The following WNT7A variants were observed in gnomAD, a reference collection of about 807,000 sequenced individuals.
WNT7A encodes Wnt family member 7A.
Under a neutral mutation model 28.2 loss-of-function variants are expected in WNT7A, and 16 were observed. That is an observed-to-expected ratio of 0.57 (90% confidence interval 0.38 to 0.86). WNT7A has a LOEUF of 0.86. Among genes scored for constraint, WNT7A ranks in the 40% least tolerant of loss-of-function variants. The pLI is 0.00. For synonymous variants in WNT7A, 190 were observed against 195.9 expected (o/e 0.97, Z 0.25); for missense variants, 411 against 489.7 (o/e 0.84, Z 1.52).
intron 2 of WNT7A, among the ~76,000 whole-genome samples, chr3:13,872,717 T>G (rs1372545500): frequency 1.3e-5 from 2 of 152,192 alleles, no homozygotes; most frequent in Non-Finnish European, 2.9e-5. Flanking sequence ...CATGGCCAGC[T>G]GGGGGCTGCT....
intron 3 of WNT7A, among the ~76,000 whole-genome samples, chr3:13,828,600 G>A (rs931835997): frequency 3.9e-5 from 6 of 152,274 alleles, no homozygotes; most frequent in South Asian, 2.1e-4. Flanking sequence ...ATGGCATGGC[G>A]CAGGTCTGGG....
At chr3:13,867,028 T>C (rs903064460) in intron 2 of WNT7A, among the ~76,000 whole-genome samples, 7 of 152,080 alleles carry the variant, frequency 4.6e-5, no homozygotes, top group Non-Finnish European at 8.8e-5. Context: ...TAAGAAAATC[T>C]AGAGCATGGG....
At chr3:13,824,906 G>A (rs544574639) in intron 3 of WNT7A, among the ~76,000 whole-genome samples, 2 of 152,334 alleles carry the variant, frequency 1.3e-5, no homozygotes, top group East Asian at 3.9e-4. Flanking sequence ...GACTGGTTAT[G>A]TAAATTACGG....
At position 13,831,950 on chromosome 3, in the gene WNT7A, C is replaced by T. The variant is rs185503063; in HGVS notation, c.571-12527G>A. Among the ~76,000 whole-genome samples, 254 of 152,236 alleles carry T rather than the reference C, an allele frequency of 1.7e-3. 3 individuals carry two copies. Among genetic ancestry groups the T allele is most frequent in the Non-Finnish European group, 2.7e-3 (181 of 68,004 alleles). On this transcript the variant is annotated intron_variant, in intron 3 of 3. Transcript: ENST00000285018. ...CCCTTTCCAAGGCACTGAATAAAGA[C>T]AACGTGGAGGTCAGCGGGCAGGCAG...
chr3:13,843,689 T>TG (rs1217039669), intron 3 of WNT7A, among the ~76,000 whole-genome samples: 2 of 137,808 alleles, frequency 1.5e-5, no homozygotes, highest in Non-Finnish European at 3.3e-5. Flanking sequence ...GAAAAGATGT[T>TG]GAAAAAAAAA....
Position 13,854,750 on chromosome 3 carries a change from C to T in WNT7A, c.352G>A (p.Ala118Thr), listed in dbSNP as rs1394761878. 14 of 1,613,778 alleles carry T rather than the reference C, an allele frequency of 8.7e-6. No individual in the cohort carries two copies. Among genetic ancestry groups the T allele is most frequent in the Middle Eastern group, 1.7e-4 (1 of 6,048 alleles). Residue 118 changes from alanine (A) to threonine (T), a missense_variant, in exon 3 of 4, where the codon GCC (alanine) becomes ACC (threonine). Physicochemically the swap from Ala to Thr is moderately conservative, Grantham distance 58. Transcript: ENST00000285018. ...CCCTGGGTACAGGCAGCTGTGATGG[C>T]GTGGGCCACGCCGGCGGCAATGATG... ...YAIIAAGVAH[A>T]ITAACTQGNL...
chr3:13,818,485 G>C lies in WNT7A; in HGVS notation c.*459C>G, dbSNP rs1479999406. On this transcript the variant is annotated 3_prime_UTR_variant, in exon 4 of 4. Coordinates refer to ENST00000285018, the MANE Select transcript of WNT7A (RefSeq NM_004625.4). ...AGTAGAAATATCTGCATAAAGAATA[G>C]TTATGTACACTTCTACACGGCTCCT... 6.6e-6 allele frequency: 1 copy of C among 152,098 alleles called. No homozygotes were observed. Among genetic ancestry groups the C allele is most frequent in the Non-Finnish European group, 1.5e-5 (1 of 68,158 alleles). The allele number at this position is 152,098 out of a possible 1,614,324, so 9.4% of individuals were successfully genotyped here.
chr3:13,875,871 A>T (rs1314498031), intron 1 of WNT7A: 1 of 153,788 alleles, frequency 6.5e-6, no homozygotes, highest in Non-Finnish European at 1.4e-5. Flanking sequence ...CTATTCACTG[A>T]TATATATCGG....
At position 13,818,351 on chromosome 3, in the gene WNT7A, C is replaced by CGAAAAAAAAAAAAAAAAAAAAAAAAAA. The variant is rs575789769; in HGVS notation, c.*592_*593insTTTTTTTTTTTTTTTTTTTTTTTTTTC. 5.0e-5 allele frequency: 4 copies of CGAAAAAAAAAAAAAAAAAAAAAAAAAA among 79,952 alleles called. No homozygotes were observed. Among genetic ancestry groups the CGAAAAAAAAAAAAAAAAAAAAAAAAAA allele is most frequent in the East Asian group, 9.9e-4 (2 of 2,020 alleles). 5.0% of individuals were successfully genotyped at this position (79,952 alleles called of 1,614,324 possible). On this transcript the variant is annotated 3_prime_UTR_variant, in exon 4 of 4. Transcript: ENST00000285018. Reference sequence around the variant, plus strand: ...TTTCTGGATAAGTAGCAGCAAACAGCAAAAAAAAAAAAAAAAATGTGTGTG... The same window carrying CGAAAAAAAAAAAAAAAAAAAAAAAAAA: ...TTTCTGGATAAGTAGCAGCAAACAGCGAAAAAAAAAAAAAAAAAAAAAAAAAAAAAAAAAAAAAAAAAAATGTGTGTG...
rs1363764695 is a variant in WNT7A at position 13,816,883 on chromosome 3, C to T, written c.*2061G>A. On this transcript the variant is annotated 3_prime_UTR_variant, in exon 4 of 4. Transcript: ENST00000285018. The stretch of plus-strand genomic sequence containing the variant: ...TACCTACTCACACATTCATCCATCC[C>T]TCCATCCATTCACTCCATGGCCCCT... The T allele has an allele frequency of 6.6e-6, 1 of 152,430 alleles. No individual in the cohort carries two copies. The highest frequency in any genetic ancestry group is 1.5e-5 in the Non-Finnish European group (1 of 68,068). The allele number at this position is 152,430 out of a possible 1,614,324, so 9.4% of individuals were successfully genotyped here.
Position 13,874,935 on chromosome 3 carries a change from G to A in WNT7A, c.298+12C>T, listed in dbSNP as rs1429540237. On this transcript the variant is annotated intron_variant, in intron 2 of 3. Transcript: ENST00000285018. The stretch of plus-strand genomic sequence containing the variant: ...GGTAAGACTCTGCGGGGGTGTTTGG[G>A]TGAGCACATACCCACTTTGAGCTCC... The A allele has an allele frequency of 1.2e-6, 2 of 1,613,468 alleles. No homozygotes were observed. The highest frequency in any genetic ancestry group is 2.2e-5 in the South Asian group (2 of 91,004).
At chr3:13,848,570 A>C (rs554824988) in intron 3 of WNT7A, among the ~76,000 whole-genome samples, 1 of 152,208 alleles carries the variant, frequency 6.6e-6, no homozygotes, top group East Asian at 1.9e-4. Flanking sequence ...AATTTTAAAA[A>C]CAGTGATGTC....
chr3:13,879,104 T>A (rs1426244949), intron 1 of WNT7A, among the ~76,000 whole-genome samples: 1 of 152,196 alleles, frequency 6.6e-6, no homozygotes. Flanking sequence ...TGTGTGTGTT[T>A]GTTGGGGGTG....
chr3:13,845,318 A>G (rs879636870), intron 3 of WNT7A, among the ~76,000 whole-genome samples: 2 of 152,194 alleles, frequency 1.3e-5, no homozygotes, highest in Admixed American at 6.5e-5. Flanking sequence ...GTGATGTCCA[A>G]CAGACCTTCC....
At chr3:13,826,842 T>C (rs1325336732) in intron 3 of WNT7A, among the ~76,000 whole-genome samples, 1 of 152,194 alleles carries the variant, frequency 6.6e-6, no homozygotes, top group African/African-American at 2.4e-5. Flanking sequence ...GCTAGGAGGC[T>C]ACTGAAAAGC....
intron 3 of WNT7A, among the ~76,000 whole-genome samples, chr3:13,828,415 C>T (rs1264668260): frequency 6.6e-6 from 1 of 152,228 alleles, no homozygotes; most frequent in Non-Finnish European, 1.5e-5. Flanking sequence ...AACCCAAGAC[C>T]ACTGTGTTCC....
intron 3 of WNT7A, among the ~76,000 whole-genome samples, chr3:13,842,396 C>T (rs148855053): frequency 1.3e-4 from 20 of 150,656 alleles, no homozygotes; most frequent in African/African-American, 1.7e-4. Context: ...ACCGTTGTGC[C>T]ACTGCAAGGA....
At position 13,819,076 on chromosome 3, in the gene WNT7A, G is replaced by A; in HGVS notation, c.918C>T (p.Leu306=). ...KTAPQASGCD[L]MCCGRGYNTH... The stretch of plus-strand genomic sequence containing the variant: ...TGTTGTAGCCACGCCCACAGCACAT[G>A]AGGTCACAGCCGCTGGCCTGGGGAG... Residue 306 remains leucine, a synonymous_variant, in exon 4 of 4, where the codon CTC becomes CTT. Transcript: ENST00000285018. The A allele has an allele frequency of 6.2e-7, 1 of 1,614,136 alleles. No individual in the cohort carries two copies. The highest frequency in any genetic ancestry group is 8.5e-7 in the Non-Finnish European group (1 of 1,179,982).
chr3:13,818,784 A>AC lies in WNT7A; in HGVS notation c.*159_*160insG, dbSNP rs1553571052. ...ACAGAATAGTTGAGGGCTCTGAGAGATTTTTTTTCCCCCACGGATGCCTGC... is the reference window on the plus strand; with the variant it reads ...ACAGAATAGTTGAGGGCTCTGAGAGACTTTTTTTTCCCCCACGGATGCCTGC... On this transcript the variant is annotated 3_prime_UTR_variant, in exon 4 of 4. Transcript: ENST00000285018. 12 of 1,144,910 alleles carry AC rather than the reference A, an allele frequency of 1.0e-5. No individual in the cohort carries two copies. The highest frequency in any genetic ancestry group is 1.4e-5 in the Non-Finnish European group (12 of 840,850). The allele number at this position is 1,144,910 out of a possible 1,614,324, so 70.9% of individuals were successfully genotyped here. A position where few individuals can be genotyped will look rare whatever the true frequency, so the allele number is the denominator to read the frequency against.
Sources: gnomAD v4.1 joint callset for allele counts (sites outside exome capture counted in the v4.1 genomes callset) on GRCh38, gnomAD v4.1.1 for gene constraint, MANE v1.5 for transcripts, NCBI Gene and HGNC (gene_info 2026-07-23, HGNC 2026-07-21) for gene names.